The following ARHGEF28 variants were observed in gnomAD, a reference collection of about 807,000 sequenced individuals.
The protein encoded by ARHGEF28 is 190 kDa guanine nucleotide exchange factor.
ARHGEF28 carries 152 observed loss-of-function variants against 206.6 expected under a neutral mutation model. The ratio of observed to expected loss-of-function variants is 0.74; its 90% CI spans 0.64 to 0.84. The LOEUF (loss-of-function observed/expected upper bound fraction) is 0.84, where lower values mean the gene tolerates loss of function less well. Ranked by LOEUF, ARHGEF28 falls within the 40% of genes least tolerant of loss-of-function variation. The probability of loss-of-function intolerance (pLI) is 0.00; values close to 1 mark genes in which losing one functional copy is unlikely to be tolerated. For missense variants in ARHGEF28, 2,028 were observed against 2,073.2 expected (o/e 0.98, Z 0.42); for synonymous variants, 763 against 776.4 (o/e 0.98, Z 0.29).
intron 1 of ARHGEF28, among the ~76,000 whole-genome samples, chr5:73,634,811 T>C (rs1743595840): frequency 6.6e-6 from 1 of 152,248 alleles, no homozygotes; most frequent in African/African-American, 2.4e-5. Flanking sequence ...AAAATACAAA[T>C]AGACATGGAG....
At chr5:73,768,832 G>A (rs1753055755) in intron 4 of ARHGEF28, among the ~76,000 whole-genome samples, 1 of 151,978 alleles carries the variant, frequency 6.6e-6, no homozygotes, top group Non-Finnish European at 1.5e-5. Flanking sequence ...ATCTCATCTT[G>A]AATTATAACT....
intron 19 of ARHGEF28, 21 bp from the exon 20 acceptor site, chr5:73,868,079 G>C: frequency 2.5e-6 from 4 of 1,612,808 alleles, no homozygotes; most frequent in Non-Finnish European, 3.4e-6. Flanking sequence ...GGCTAACTTT[G>C]CTCCCCTCCC....
intron 2 of ARHGEF28, among the ~76,000 whole-genome samples, chr5:73,709,012 T>A (rs1214726176): frequency 2.0e-5 from 3 of 152,208 alleles, no homozygotes; most frequent in Non-Finnish European, 2.9e-5. Context: ...TCTGTTCATG[T>A]CTTTTGCCCA....
At chr5:73,917,481 G>T (rs1393199364) in intron 35 of ARHGEF28, among the ~76,000 whole-genome samples, 1 of 152,240 alleles carries the variant, frequency 6.6e-6, no homozygotes, top group Non-Finnish European at 1.5e-5. Flanking sequence ...ACATTCGCTT[G>T]TAGAGCCTGG....
intron 10 of ARHGEF28, among the ~76,000 whole-genome samples, chr5:73,835,614 A>G (rs1237905446): frequency 6.6e-6 from 1 of 152,278 alleles, no homozygotes; most frequent in East Asian, 1.9e-4. Context: ...CATCTCTTCC[A>G]TCTGACTGTT....
intron 4 of ARHGEF28, among the ~76,000 whole-genome samples, chr5:73,772,666 C>T (rs1309533016): frequency 6.6e-6 from 1 of 152,194 alleles, no homozygotes; most frequent in Non-Finnish European, 1.5e-5. Flanking sequence ...GCATTAGCCA[C>T]CACGCCTGGC....
At chr5:73,735,341 C>T (rs1268136841) in intron 2 of ARHGEF28, among the ~76,000 whole-genome samples, 1 of 151,878 alleles carries the variant, frequency 6.6e-6, no homozygotes, top group African/African-American at 2.4e-5. Context: ...TAAGAATTTC[C>T]TAAGATAGGC....
chr5:73,764,181 G>T (rs148326600), intron 4 of ARHGEF28, among the ~76,000 whole-genome samples: 1 of 152,152 alleles, frequency 6.6e-6, no homozygotes, highest in South Asian at 2.1e-4. Context: ...GAATTAAATG[G>T]CTTTCCATTT....
intron 2 of ARHGEF28, among the ~76,000 whole-genome samples, chr5:73,740,639 T>C (rs1751323251): frequency 6.6e-6 from 1 of 152,208 alleles, no homozygotes; most frequent in African/African-American, 2.4e-5. Context: ...TCGTCTCTTC[T>C]TTAGCAAAAC....
At chr5:73,857,124 G>A (rs1412372210) in intron 14 of ARHGEF28, among the ~76,000 whole-genome samples, 1 of 152,066 alleles carries the variant, frequency 6.6e-6, no homozygotes, top group African/African-American at 2.4e-5. Context: ...AGTGGGAGAG[G>A]CTGCACCGAG....
At chr5:73,645,967 T>C (rs1744398744) in intron 1 of ARHGEF28, among the ~76,000 whole-genome samples, 1 of 152,030 alleles carries the variant, frequency 6.6e-6, no homozygotes, top group Non-Finnish European at 1.5e-5. Flanking sequence ...TCTGGTACCA[T>C]ACTTAAGCAC....
At chr5:73,650,418 G>A (rs939379803) in intron 1 of ARHGEF28, among the ~76,000 whole-genome samples, 1 of 151,192 alleles carries the variant, frequency 6.6e-6, no homozygotes, top group Non-Finnish European at 1.5e-5. Flanking sequence ...CTGAGTAGCT[G>A]GGACTACAGG....
chr5:73,756,526 G>A (rs1220206359), intron 4 of ARHGEF28, among the ~76,000 whole-genome samples: 3 of 152,124 alleles, frequency 2.0e-5, no homozygotes, highest in South Asian at 4.1e-4. Context: ...GTTTGAAGTC[G>A]AATTTTACTC....
intron 2 of ARHGEF28, among the ~76,000 whole-genome samples, chr5:73,688,451 T>C (rs1747603936): frequency 1.3e-5 from 2 of 152,212 alleles, no homozygotes; most frequent in African/African-American, 4.8e-5. Context: ...CTGAAGATGA[T>C]AGACATCTTT....
At chr5:73,729,910 C>T (rs755976899) in intron 2 of ARHGEF28, among the ~76,000 whole-genome samples, 1 of 152,160 alleles carries the variant, frequency 6.6e-6, no homozygotes, top group South Asian at 2.1e-4. Context: ...GGCCTGAATT[C>T]GAGTCCCAGC....
chr5:73,789,000 A>G (rs1754312656), intron 7 of ARHGEF28, among the ~76,000 whole-genome samples: 1 of 152,176 alleles, frequency 6.6e-6, no homozygotes, highest in South Asian at 2.1e-4. Flanking sequence ...TGATTCAACA[A>G]TTATACTCCT....
At chr5:73,929,253 G>A (rs1231499738) in intron 35 of ARHGEF28, among the ~76,000 whole-genome samples, 1 of 152,122 alleles carries the variant, frequency 6.6e-6, no homozygotes, top group African/African-American at 2.4e-5. Context: ...AGGAACTTAT[G>A]CCTAATTGTG....
intron 1 of ARHGEF28, among the ~76,000 whole-genome samples, chr5:73,668,305 A>G (rs1187287928): frequency 1.3e-5 from 2 of 152,206 alleles, no homozygotes; most frequent in African/African-American, 2.4e-5. Context: ...GGTAATTTAT[A>G]AAGAAAATAA....
At chr5:73,870,549 A>G (rs959903726) in intron 21 of ARHGEF28, among the ~76,000 whole-genome samples, 5 of 152,218 alleles carry the variant, frequency 3.3e-5, no homozygotes, top group Admixed American at 6.5e-5. Context: ...GGTTTGGCCT[A>G]TACTCTTACC....
Sources: allele counts gnomAD v4.1 joint callset (sites outside exome capture counted in the v4.1 genomes callset), GRCh38; gene constraint gnomAD v4.1.1; transcripts MANE v1.5; gene names NCBI Gene and HGNC (gene_info 2026-07-23, HGNC 2026-07-21).